The following RICTOR variants were observed in gnomAD, a reference collection of about 807,000 sequenced individuals.
The protein encoded by RICTOR is rapamycin-insensitive companion of mTOR.
Under a neutral mutation model 214.9 loss-of-function variants are expected in RICTOR, and 49 were observed. The ratio of observed to expected loss-of-function variants is 0.23; its 90% CI spans 0.18 to 0.29. RICTOR has a LOEUF of 0.29. Among genes scored for constraint, RICTOR ranks in the 10% least tolerant of loss-of-function variants. RICTOR has a pLI of 1.00. For missense variants in RICTOR, 1,625 were observed against 2,047.0 expected (o/e 0.79, Z 3.98); for synonymous variants, 717 against 711.3 (o/e 1.01, Z -0.13).
At chr5:39,014,365 C>A (rs1180960575) in intron 3 of RICTOR, among the ~76,000 whole-genome samples, 1 of 152,000 alleles carries the variant, frequency 6.6e-6, no homozygotes, top group South Asian at 2.1e-4. Flanking sequence ...GAAAAGGATA[C>A]TTTCTAGTGG....
At chr5:38,990,654 TGATA>T (rs1164397742) in intron 7 of RICTOR, among the ~76,000 whole-genome samples, 2 of 89,064 alleles carry the variant, frequency 2.2e-5, no homozygotes, top group African/African-American at 7.7e-5. Flanking sequence ...ATCAGATATA[TGATA>T]TATATCAGAT....
rs761104348 is a variant in RICTOR, at chr5:38,953,084, A to G, written c.2798T>C (p.Ile933Thr). 5 of 1,597,742 alleles carry G rather than the reference A, an allele frequency of 3.1e-6. No homozygotes were observed. Among genetic ancestry groups the G allele is most frequent in the Admixed American group, 1.7e-5 (1 of 59,670 alleles). ...ATTGAGACCCCAATTTGATGAGCCGATATTTCCCTGAAAGAAAAGAAATCA... is the reference window on the plus strand; with the variant it reads ...ATTGAGACCCCAATTTGATGAGCCGGTATTTCCCTGAAAGAAAAGAAATCA... The part of the protein sequence containing the change: ...LKASLWALGN[I>T]GSSNWGLNLL... The change falls in exon 29 of 38, where the codon ATC becomes ACC. Residue 933 changes from isoleucine to threonine, a missense_variant. Ile to Thr is a moderately conservative substitution (Grantham distance 89, BLOSUM62 -1). Around this residue, in one of 5 missense-constraint regions of RICTOR, gnomAD observed 1,214 missense variants for 1,470.5 expected, o/e 0.83. Coordinates refer to ENST00000357387, the MANE Select transcript of RICTOR (RefSeq NM_152756.5).
Position 38,982,264 on chromosome 5 carries a change from C to T in RICTOR, c.584-228G>A, listed in dbSNP as rs149775815. The stretch of plus-strand genomic sequence containing the variant: ...TGGATTGTCTTTTCATACCCTTTGT[C>T]CATATAATAACGGAATGGCTTTTTT... On this transcript the variant is annotated intron_variant, in intron 7 of 37. Coordinates refer to ENST00000357387, the MANE Select transcript of RICTOR (RefSeq NM_152756.5). 4.7e-3 allele frequency among the ~76,000 whole-genome samples: 722 copies of T among 152,188 alleles called. 11 individuals are homozygous for T. The highest frequency in any genetic ancestry group is 0.017 in the African/African-American group (696 of 41,526).
In RICTOR at chr5:39,059,784, C is replaced by G. The variant is rs185565288; in HGVS notation, c.97+14327G>C. Among the ~76,000 whole-genome samples, 192 of 152,152 alleles carry G rather than the reference C, an allele frequency of 1.3e-3. 2 individuals are homozygous for G. Among genetic ancestry groups the G allele is most frequent in the Admixed American group, 0.011 (163 of 15,276 alleles). On this transcript the variant is annotated intron_variant, in intron 2 of 37. Coordinates refer to ENST00000357387, the MANE Select transcript of RICTOR (RefSeq NM_152756.5). ...TCTCCATTCTCATCTCTTTTGCTTT[C>G]ACTGACCATACAAATAAGAATATGT...
intron 8 of RICTOR, among the ~76,000 whole-genome samples, chr5:38,980,316 T>C (rs953717484): frequency 4.6e-5 from 7 of 152,166 alleles, no homozygotes; most frequent in Non-Finnish European, 7.3e-5. Context: ...TCAGGCATTG[T>C]GCACTTTATA....
chr5:39,022,131 T>C (rs774985756), intron 2 of RICTOR, among the ~76,000 whole-genome samples: 5 of 152,214 alleles, frequency 3.3e-5, no homozygotes, highest in Non-Finnish European at 7.3e-5. Flanking sequence ...TGCCCAACTA[T>C]AGGCTAATGT....
intron 9 of RICTOR, among the ~76,000 whole-genome samples, chr5:38,976,655 C>G (rs1751253087): frequency 6.6e-6 from 1 of 152,110 alleles, no homozygotes; most frequent in South Asian, 2.1e-4. Flanking sequence ...CATCTCTAAC[C>G]TATTAAACTT....
chr5:39,003,339 A>G (rs1753791610), intron 4 of RICTOR, among the ~76,000 whole-genome samples: 1 of 152,196 alleles, frequency 6.6e-6, no homozygotes, highest in South Asian at 2.1e-4. Context: ...ATATTTTTGA[A>G]CATTCACTTT....
intron 2 of RICTOR, among the ~76,000 whole-genome samples, chr5:39,055,848 G>T (rs1392942322): frequency 2.6e-5 from 4 of 152,078 alleles, no homozygotes; most frequent in Non-Finnish European, 5.9e-5. Context: ...CATCAGGAAA[G>T]ATAATAAGGG....
intron 11 of RICTOR, among the ~76,000 whole-genome samples, chr5:38,969,340 T>C (rs1174239032): frequency 6.6e-6 from 1 of 151,988 alleles, no homozygotes; most frequent in Non-Finnish European, 1.5e-5. Flanking sequence ...TCTTATAGAA[T>C]AAGGATATAA....
At chr5:39,052,394 A>G (rs541474305) in intron 2 of RICTOR, among the ~76,000 whole-genome samples, 1 of 152,296 alleles carries the variant, frequency 6.6e-6, no homozygotes, top group Non-Finnish European at 1.5e-5. Context: ...CCCAGTCATT[A>G]GCATTTTTTG....
At position 39,045,668 on chromosome 5, in the gene RICTOR, A is replaced by T. The variant is rs149811585; in HGVS notation, c.98-24532T>A. 4.2e-3 allele frequency among the ~76,000 whole-genome samples: 635 copies of T among 152,290 alleles called. 4 individuals carry two copies. Among genetic ancestry groups the T allele is most frequent in the African/African-American group, 0.014 (576 of 41,560 alleles). ...ATATATAGATATCCAGTCTATTAGA[A>T]TTATTTAGAAGTCAGTTGTATATTT... On this transcript the variant is annotated intron_variant, in intron 2 of 37. Coordinates refer to ENST00000357387, the MANE Select transcript of RICTOR (RefSeq NM_152756.5).
At chr5:38,982,154 A>G (rs1404680696) in intron 7 of RICTOR, 118 bp from the exon 8 acceptor site, 6 of 662,500 alleles carry the variant, frequency 9.1e-6, no homozygotes, top group South Asian at 2.0e-5. Context: ...ACCAACATTT[A>G]TAAGAACAGG....
At position 38,942,313 on chromosome 5, in the gene RICTOR, A is replaced by T. The variant is rs750381867; in HGVS notation, c.5118T>A (p.Ala1706=). The T allele has an allele frequency of 6.3e-7, 1 of 1,588,810 alleles. No individual in the cohort carries two copies. The highest frequency in any genetic ancestry group is 8.6e-7 in the Non-Finnish European group (1 of 1,160,608). The change falls in exon 38 of 38, where the codon GCT becomes GCA. Residue 1706 remains alanine (A), a synonymous_variant. Coordinates refer to ENST00000357387, the MANE Select transcript of RICTOR (RefSeq NM_152756.5). ...PPKQPIVDTS[A]ES ...CATCATAAATATGAGGTCAGGATTC[A>T]GCAGATGTATCAACTATAGGTTGCT... is the stretch of plus-strand genomic sequence containing the variant.
chr5:39,017,392 T>C (rs915123530), intron 3 of RICTOR, among the ~76,000 whole-genome samples: 3 of 152,144 alleles, frequency 2.0e-5, no homozygotes, highest in African/African-American at 7.2e-5. Context: ...TGGAACAATG[T>C]TGCGGTCTTA....
chr5:38,975,115 C>T (rs964885973), intron 10 of RICTOR, among the ~76,000 whole-genome samples: 2 of 152,096 alleles, frequency 1.3e-5, no homozygotes, highest in African/African-American at 2.4e-5. Context: ...TGCACAATCC[C>T]TATTCTCAAG....
chr5:38,949,364 GTTGT>G (rs1197002084), intron 31 of RICTOR: 1 of 1,580,548 alleles, frequency 6.3e-7, no homozygotes, highest in East Asian at 2.3e-5. Context: ...ACCTGAAAAG[GTTGT>G]TTGTTATTGT....
At chr5:38,950,770 A>G (rs1748705394) in intron 30 of RICTOR, 50 bp from the exon 31 acceptor site, 1 of 1,462,194 alleles carries the variant, frequency 6.8e-7, no homozygotes, top group African/African-American at 1.4e-5. Context: ...TGACAAATTC[A>G]TGATAACTAT....
intron 2 of RICTOR, among the ~76,000 whole-genome samples, chr5:39,041,191 A>C (rs1260962934): frequency 6.6e-6 from 1 of 152,232 alleles, no homozygotes; most frequent in East Asian, 1.9e-4. Flanking sequence ...CTTGACAATA[A>C]GCAATACATC....
Sources: gnomAD v4.1 joint callset for allele counts (sites outside exome capture counted in the v4.1 genomes callset) on GRCh38, gnomAD v4.1.1 for gene constraint, gnomAD v4.1.1 regional missense constraint, MANE v1.5 for transcripts, NCBI Gene and HGNC (gene_info 2026-07-23, HGNC 2026-07-21) for gene names.